Variants in PBLD observed in about 807,000 individuals in gnomAD.
The protein encoded by PBLD is phenazine biosynthesis-like domain-containing protein.
Under a neutral mutation model 31.3 loss-of-function variants are expected in PBLD, and 26 were observed. The observed-to-expected ratio is 0.83, with a 90% CI of 0.61 to 1.15. The LOEUF (loss-of-function observed/expected upper bound fraction) is 1.15, where lower values mean the gene tolerates loss of function less well. Among genes scored for constraint, PBLD ranks in the 50% most tolerant of loss-of-function variants. The pLI is 0.00. For synonymous variants in PBLD, 114 were observed against 129.0 expected (o/e 0.88, Z 0.79); for missense variants, 307 against 351.7 (o/e 0.87, Z 1.02).
chr10:68,307,413 C>T (rs1041401721), intron 1 of PBLD, among the ~76,000 whole-genome samples: 1 of 152,140 alleles, frequency 6.6e-6, no homozygotes, highest in African/African-American at 2.4e-5. Flanking sequence ...TCTGTATTGA[C>T]TTTTCATATT....
At chr10:68,298,785 CACACACACAT>C (rs938431896) in intron 2 of PBLD, among the ~76,000 whole-genome samples, 5 of 103,366 alleles carry the variant, frequency 4.8e-5, no homozygotes, top group African/African-American at 6.7e-5. Context: ...CACACACACA[CACACACACAT>C]TCCTCTTAAC....
chr10:68,304,988 G>A (rs2044556717), intron 2 of PBLD, among the ~76,000 whole-genome samples: 1 of 152,216 alleles, frequency 6.6e-6, no homozygotes, highest in Non-Finnish European at 1.5e-5. Context: ...TGAATGTAGA[G>A]TTAAGGTAAG....
intron 2 of PBLD, among the ~76,000 whole-genome samples, chr10:68,299,487 A>G (rs1280400535): frequency 3.9e-5 from 6 of 152,188 alleles, no homozygotes; most frequent in Admixed American, 3.9e-4. Context: ...CATGTTCCAT[A>G]TAATTATATA....
intron 1 of PBLD, among the ~76,000 whole-genome samples, chr10:68,326,807 G>C (rs2044928458): frequency 1.3e-5 from 2 of 152,202 alleles, no homozygotes; most frequent in African/African-American, 4.8e-5. Context: ...TCAGCACTTT[G>C]GGAGGCCGAG....
intron 1 of PBLD, among the ~76,000 whole-genome samples, chr10:68,326,243 TTGCCCAGG>T (rs1251968697): frequency 6.6e-6 from 1 of 152,102 alleles, no homozygotes; most frequent in African/African-American, 2.4e-5. Context: ...TCTCACCATG[TTGCCCAGG>T]CTGATCTTGA....
chr10:68,307,863 T>G (rs1006954953), intron 1 of PBLD, among the ~76,000 whole-genome samples: 23 of 152,160 alleles, frequency 1.5e-4, no homozygotes, highest in African/African-American at 5.3e-4. Flanking sequence ...GCTTACAGTC[T>G]CCCAATGAAT....
Position 68,291,862 on chromosome 10 carries a change from C to T in PBLD, c.423+148G>A, listed in dbSNP as rs947144752. The T allele has an allele frequency of 4.3e-6, 4 of 921,958 alleles. No individual in the cohort carries two copies. In the East Asian group the frequency reaches 1.0e-4, roughly 24 times the overall value. The allele number at this position is 921,958 out of a possible 1,614,324, so 57.1% of individuals were successfully genotyped here. ...CAAGGAAAACTGGTCAACCTTCTCA[C>T]CAAATAGACTGAATATTAAAATTCA... On this transcript the variant is annotated intron_variant, in intron 6 of 9. Coordinates refer to ENST00000358769, the MANE Select transcript of PBLD (RefSeq NM_022129.4).
At chr10:68,288,889 A>C (rs769018451) in intron 7 of PBLD, 42 bp downstream of exon 7, 1 of 1,536,696 alleles carries the variant, frequency 6.5e-7, no homozygotes, top group South Asian at 1.1e-5. Context: ...AAATCTGGGT[A>C]CTCAGCCCTC....
rs141565261 is a variant in PBLD, at chr10:68,284,254, T to C, written c.790A>G (p.Ile264Val). ...QCSHRGGELG[I>V]SLRPDGRVDI... ...ACCCTTCCGTCTGGACGAAGGGAAA[T>C]TCCCAGCTCTCCTCCTCGGTGGGAA... The change falls in exon 10 of 10, where the codon ATT (isoleucine) becomes GTT (valine). Residue 264 changes from isoleucine to valine, a missense_variant. Coordinates refer to ENST00000358769, the MANE Select transcript of PBLD (RefSeq NM_022129.4). 7.4e-6 allele frequency: 12 copies of C among 1,613,946 alleles called. No individual in the cohort carries two copies. The highest frequency in any genetic ancestry group is 1.7e-5 in the Admixed American group (1 of 59,986).
At chr10:68,296,406 T>C in intron 3 of PBLD, 42 bp from the exon 4 acceptor site, 4 of 1,415,758 alleles carry the variant, frequency 2.8e-6, no homozygotes, top group South Asian at 2.3e-5. Context: ...ATCATTCCCA[T>C]GCAAGCAGGT....
At chr10:68,318,960 A>AAGGC (rs1211856762) in intron 1 of PBLD, among the ~76,000 whole-genome samples, 1 of 151,314 alleles carries the variant, frequency 6.6e-6, no homozygotes, top group Admixed American at 6.6e-5. Context: ...GGAAAGAAGA[A>AAGGC]AGGCAGGCAG....
intron 1 of PBLD, chr10:68,332,057 C>G (rs2045138364): frequency 6.5e-6 from 1 of 152,730 alleles, no homozygotes; most frequent in Non-Finnish European, 1.5e-5. Flanking sequence ...TCCCATCCCC[C>G]CAAGCCAGTA....
At chr10:68,306,134 TCTATTAATATTTATCTATTTAA>T (rs1263383161) in intron 2 of PBLD, among the ~76,000 whole-genome samples, 3 of 118,622 alleles carry the variant, frequency 2.5e-5, no homozygotes, top group African/African-American at 9.4e-5. Flanking sequence ...ATTTAACTAT[TCTATTAATATTTATCTATTTAA>T]CTATTAATAT....
intron 8 of PBLD, among the ~76,000 whole-genome samples, chr10:68,286,415 G>A (rs551295053): frequency 3.3e-5 from 5 of 151,860 alleles, no homozygotes; most frequent in South Asian, 4.2e-4. Context: ...CATCTTTCCA[G>A]GGAAAGTATC....
At chr10:68,313,440 T>C (rs1427493884) in intron 1 of PBLD, among the ~76,000 whole-genome samples, 1 of 152,232 alleles carries the variant, frequency 6.6e-6, no homozygotes, top group Non-Finnish European at 1.5e-5. Context: ...AAATACGACA[T>C]ATGTAGTGTT....
chr10:68,315,336 G>T (rs2134508654), intron 1 of PBLD, among the ~76,000 whole-genome samples: 1 of 152,244 alleles, frequency 6.6e-6, no homozygotes, highest in African/African-American at 2.4e-5. Context: ...TGTAATCCCA[G>T]CACTCTGGGA....
chr10:68,285,772 G>A (rs531254530), intron 8 of PBLD, among the ~76,000 whole-genome samples: 4 of 151,974 alleles, frequency 2.6e-5, no homozygotes, highest in East Asian at 3.9e-4. Context: ...TTGACATCCC[G>A]TTCTCAAGCC....
At chr10:68,299,300 T>C (rs1271510401) in intron 2 of PBLD, among the ~76,000 whole-genome samples, 1 of 152,034 alleles carries the variant, frequency 6.6e-6, no homozygotes, top group Non-Finnish European at 1.5e-5. Flanking sequence ...ATCTACTAGT[T>C]AGATTTTGAA....
intron 8 of PBLD, among the ~76,000 whole-genome samples, chr10:68,285,771 C>T (rs1018560522): frequency 2.0e-5 from 3 of 151,952 alleles, no homozygotes; most frequent in African/African-American, 4.8e-5. Context: ...CTTGACATCC[C>T]GTTCTCAAGC....
Sources: allele counts gnomAD v4.1 joint callset (sites outside exome capture counted in the v4.1 genomes callset), GRCh38; gene constraint gnomAD v4.1.1; transcripts MANE v1.5; gene names NCBI Gene and HGNC (gene_info 2026-07-23, HGNC 2026-07-21).